MKLN1: variants seen among roughly 807,000 people sequenced by gnomAD.
MKLN1 encodes the protein muskelin 1.
A neutral mutation model predicts 99.0 loss-of-function variants in MKLN1; 18 were observed. That is an observed-to-expected ratio of 0.18 (90% CI 0.13 to 0.27). The LOEUF (loss-of-function observed/expected upper bound fraction) is 0.27, where lower values mean the gene tolerates loss of function less well. Ranked by LOEUF, MKLN1 falls within the 10% of genes least tolerant of loss-of-function variation. The probability of loss-of-function intolerance (pLI) is 1.00; values close to 1 mark genes in which losing one functional copy is unlikely to be tolerated. For missense variants in MKLN1, 621 were observed against 875.9 expected, an observed-to-expected ratio of 0.71 and a Z score of 3.67; for synonymous variants, 288 against 293.2, an observed-to-expected ratio of 0.98 and a Z score of 0.18.
chr7:131,238,013 G>C (rs1183758005), intron 3 of MKLN1, among the ~76,000 whole-genome samples: 1 of 152,112 alleles, frequency 6.6e-6, no homozygotes, highest in Non-Finnish European at 1.5e-5. Context: ...TGGGCATGGT[G>C]GTGGGTGCCT....
intron 1 of MKLN1, among the ~76,000 whole-genome samples, chr7:131,338,301 T>TTA (rs1262042732): frequency 7.2e-5 from 11 of 152,374 alleles, no homozygotes; most frequent in African/African-American, 2.4e-4. Flanking sequence ...TCCTCAAGAC[T>TTA]TAGCTACCAA....
intron 1 of MKLN1, among the ~76,000 whole-genome samples, chr7:131,330,449 A>C (rs887433513): frequency 3.3e-5 from 5 of 152,182 alleles, no homozygotes; most frequent in African/African-American, 1.2e-4. Context: ...GTATCAACTC[A>C]TTTAATCCTT....
At chr7:131,214,290 G>C (rs944246872) in intron 3 of MKLN1, among the ~76,000 whole-genome samples, 1 of 151,878 alleles carries the variant, frequency 6.6e-6, no homozygotes, top group African/African-American at 2.4e-5. Flanking sequence ...TTTGGGATTG[G>C]TTTTGGCACG....
intron 8 of MKLN1, among the ~76,000 whole-genome samples, chr7:131,424,451 T>C (rs1795298837): frequency 6.6e-6 from 1 of 152,222 alleles, no homozygotes; most frequent in Admixed American, 6.5e-5. Context: ...ATCAGCACAG[T>C]CTGATTTATC....
At chr7:131,359,649 G>A (rs1396599816) in intron 1 of MKLN1, among the ~76,000 whole-genome samples, 1 of 151,992 alleles carries the variant, frequency 6.6e-6, no homozygotes, top group Non-Finnish European at 1.5e-5. Flanking sequence ...ATTTTGACAC[G>A]CTTTTGTTTG....
chr7:131,478,517 T>TA, intron 16 of MKLN1, 106 bp from the exon 17 acceptor site: 1 of 1,144,432 alleles, frequency 8.7e-7, no homozygotes, highest in Non-Finnish European at 1.2e-6. Context: ...TATGCAGAAA[T>TA]ACGTAGTTGC....
intron 8 of MKLN1, among the ~76,000 whole-genome samples, chr7:131,421,538 T>C (rs1426891280): frequency 6.6e-6 from 1 of 152,200 alleles, no homozygotes; most frequent in African/African-American, 2.4e-5. Flanking sequence ...TTGAATGAAT[T>C]GTATTGATTA....
intron 2 of MKLN1, among the ~76,000 whole-genome samples, chr7:131,199,485 C>G (rs916825481): frequency 6.6e-6 from 1 of 152,086 alleles, no homozygotes; most frequent in African/African-American, 2.4e-5. Flanking sequence ...AACTCTTGGC[C>G]TCTTCAACCC....
chr7:131,356,152 C>A (rs201211745), intron 1 of MKLN1, among the ~76,000 whole-genome samples: 2 of 151,016 alleles, frequency 1.3e-5, no homozygotes, highest in Non-Finnish European at 2.9e-5. Context: ...CTTGAGAAAC[C>A]GGCAGCTTGA....
At chr7:131,275,919 T>TGGA (rs1251429991) in intron 3 of MKLN1, among the ~76,000 whole-genome samples, 1 of 152,140 alleles carries the variant, frequency 6.6e-6, no homozygotes, top group African/African-American at 2.4e-5. Context: ...AAGGCAGGCC[T>TGGA]TCCCATGCTG....
chr7:131,171,376 G>T (rs1796212556), intron 2 of MKLN1, among the ~76,000 whole-genome samples: 1 of 152,208 alleles, frequency 6.6e-6, no homozygotes, highest in Non-Finnish European at 1.5e-5. Flanking sequence ...CAGTTGGCAG[G>T]TGGGAGAGGG....
intron 2 of MKLN1, among the ~76,000 whole-genome samples, chr7:131,384,013 A>G (rs1047872741): frequency 1.3e-5 from 2 of 152,266 alleles, no homozygotes; most frequent in South Asian, 2.1e-4. Context: ...TGAATTTATA[A>G]TTCAAACTTC....
intron 2 of MKLN1, among the ~76,000 whole-genome samples, chr7:131,380,475 G>T (rs1320064763): frequency 6.6e-6 from 1 of 152,124 alleles, no homozygotes. Context: ...AATGCAAATT[G>T]CACTTATGAG....
intron 1 of MKLN1, among the ~76,000 whole-genome samples, chr7:131,141,449 G>A (rs1448668313): frequency 6.6e-6 from 1 of 152,122 alleles, no homozygotes; most frequent in Non-Finnish European, 1.5e-5. Context: ...ACTCCAACAT[G>A]TAATCTATCA....
chr7:131,173,564 C>CA (rs1334737038), intron 2 of MKLN1, among the ~76,000 whole-genome samples: 1 of 152,098 alleles, frequency 6.6e-6, no homozygotes, highest in African/African-American at 2.4e-5. Flanking sequence ...ACTGAAAATA[C>CA]AAAAATTAGC....
At chr7:131,361,589 G>T (rs1800029517) in intron 1 of MKLN1, among the ~76,000 whole-genome samples, 4 of 148,610 alleles carry the variant, frequency 2.7e-5, no homozygotes, top group African/African-American at 2.5e-5. Flanking sequence ...TCTTTTTTCT[G>T]GCTTTCTTTT....
At chr7:131,338,598 G>A (rs1016413215) in intron 1 of MKLN1, among the ~76,000 whole-genome samples, 7 of 151,952 alleles carry the variant, frequency 4.6e-5, no homozygotes, top group Non-Finnish European at 7.4e-5. Flanking sequence ...AGACTATTCC[G>A]TCATATTCAA....
At chr7:131,345,625 G>A (rs964762458) in intron 1 of MKLN1, among the ~76,000 whole-genome samples, 3 of 152,060 alleles carry the variant, frequency 2.0e-5, no homozygotes, top group Non-Finnish European at 2.9e-5. Flanking sequence ...GAGGCTTGAG[G>A]ATCACTTGAG....
intron 3 of MKLN1, among the ~76,000 whole-genome samples, chr7:131,250,305 C>A (rs1417863456): frequency 3.9e-5 from 6 of 152,100 alleles, no homozygotes; most frequent in Admixed American, 2.0e-4. Context: ...CTTCCATCGG[C>A]CTGAATATTA....
Sources: allele counts gnomAD v4.1 joint callset (sites outside exome capture counted in the v4.1 genomes callset), GRCh38; gene constraint gnomAD v4.1.1; transcripts MANE v1.5; gene names NCBI Gene and HGNC (gene_info 2026-07-23, HGNC 2026-07-21).